CCDC120: variants seen among roughly 807,000 people sequenced by gnomAD.
CCDC120 encodes coiled-coil domain-containing protein 120.
CCDC120 carries 16 observed loss-of-function variants against 37.6 expected under a neutral mutation model. That is an observed-to-expected ratio of 0.43 (90% CI 0.29 to 0.65). CCDC120 has a LOEUF of 0.65. Among genes scored for constraint, CCDC120 ranks in the 30% least tolerant of loss-of-function variants. CCDC120 has a pLI of 0.18. For missense variants in CCDC120, 650 were observed against 657.4 expected (o/e 0.99, Z 0.12); for synonymous variants, 309 against 275.4 (o/e 1.12, Z -1.21).
At position 49,067,450 on chromosome X, in the gene CCDC120, A is replaced by G; in HGVS notation, c.1336A>G (p.Thr446Ala). ...ACCAACCCCTGCCTTCTCCTCCCGC[A>G]CAGCAGGCCCCCCAGACCCTCCCCG... ...PQPTPAFSSR[T>A]AGPPDPPRAA... is the part of the protein sequence containing the mutation. Residue 446 changes from threonine to alanine, a missense_variant, in exon 10 of 11, where the codon ACA becomes GCA. Around this residue, in one of 3 missense-constraint regions of CCDC120, gnomAD observed 576 missense variants for 565.3 expected, o/e 1.02. Transcript: ENST00000603986. 8.4e-7 allele frequency: 1 copy of G among 1,186,540 alleles called. No homozygotes were observed. The highest frequency in any genetic ancestry group is 1.1e-6 in the Non-Finnish European group (1 of 883,265).
rs782666031 is a variant in CCDC120, at chrX:49,064,429, C to T, written c.489C>T (p.Ala163=). The T allele has an allele frequency of 1.5e-5, 18 of 1,174,576 alleles. No homozygotes were observed. In the East Asian group the frequency reaches 1.6e-4, roughly 10 times the overall value. The change falls in exon 6 of 11, where the codon GCC becomes GCT. Residue 163 remains alanine (A), a synonymous_variant. Coordinates refer to ENST00000603986, the MANE Select transcript of CCDC120 (RefSeq NM_001163321.4). Reference sequence around the variant, plus strand: ...CAGTGCAACAGCAGATCGCGGCGGCCGCCCGCCGCCTGGCCTTGGCCCCTG... The same window carrying T: ...CAGTGCAACAGCAGATCGCGGCGGCTGCCCGCCGCCTGGCCTTGGCCCCTG... ...EVSVQQQIAA[A]ARRLALAPDL... is the part of the protein sequence containing the mutation.
At chrX:49,056,763 G>A (rs2064833962), upstream of CCDC120, among the ~76,000 whole-genome samples, 1 of 111,590 alleles carries the variant, frequency 9.0e-6, no homozygotes, top group East Asian at 2.8e-4. Context: ...CACCAGCTCT[G>A]TCTGGAAAAA....
In CCDC120 at chrX:49,065,806, C is replaced by A; in HGVS notation, c.1022C>A (p.Thr341Asn). Reference protein sequence around the residue: ...SSFEGRSVPATPVLTRGAGPQ... With the variant: ...SSFEGRSVPANPVLTRGAGPQ... ...TTTGAGGGGCGAAGTGTGCCTGCCA[C>A]CCCTGTCCTCACCCGGGGCGCTGGC... The change falls in exon 9 of 11, where the codon ACC (threonine) becomes AAC (asparagine). Residue 341 changes from threonine to asparagine, a missense_variant. Transcript: ENST00000603986. 8.5e-7 allele frequency: 1 copy of A among 1,169,614 alleles called. No individual in the cohort carries two copies. The highest frequency in any genetic ancestry group is 1.1e-6 in the Non-Finnish European group (1 of 874,043).
chrX:49,061,289 C>G (rs2064883084), intron 1 of CCDC120, among the ~76,000 whole-genome samples: 1 of 112,084 alleles, frequency 8.9e-6, no homozygotes, highest in African/African-American at 3.2e-5. Context: ...GAACATTCTC[C>G]TTGCTACACT....
chrX:49,058,212 G>A (rs1166038536), upstream of CCDC120, among the ~76,000 whole-genome samples: 5 of 111,835 alleles, frequency 4.5e-5, no homozygotes, highest in African/African-American at 1.6e-4. Context: ...ACATTTGTAG[G>A]AACCAAGAGG....
At chrX:49,061,647 A>G (rs1557079458) in intron 1 of CCDC120, among the ~76,000 whole-genome samples, 1 of 112,572 alleles carries the variant, frequency 8.9e-6, no homozygotes, top group Non-Finnish European at 1.9e-5. Context: ...CAGCATCCAC[A>G]GCCTGGGCAA....
In CCDC120 at chrX:49,065,610, CTG is replaced by C; in HGVS notation, c.947_948del (p.Val316GlyfsTer18). ...GGGGATCTGAAGAGCCGGCGGAACT[CTG>C]TGGCCAGCCCCACCAGGTGAGAATG... is the stretch of plus-strand genomic sequence containing the variant. On this transcript the variant is annotated frameshift_variant, in exon 8 of 11. Transcript: ENST00000603986. LOFTEE classifies it high-confidence loss of function. 1.7e-6 allele frequency: 2 copies of C among 1,209,492 alleles called. No individual in the cohort carries two copies. Among genetic ancestry groups the C allele is most frequent in the Non-Finnish European group, 2.2e-6 (2 of 894,650 alleles).
rs782760184 is a variant in CCDC120 at position 49,067,432 on chromosome X, C to T, written c.1318C>T (p.Pro440Ser). 2.5e-6 allele frequency: 3 copies of T among 1,193,152 alleles called. No individual in the cohort carries two copies. The highest frequency in any genetic ancestry group is 4.4e-5 in the Admixed American group (2 of 45,119). The change falls in exon 10 of 11, where the codon CCT (proline) becomes TCT (serine). Residue 440 changes from proline to serine, a missense_variant. This residue lies in a region of CCDC120 where 576 missense variants were observed against 565.3 expected (regional missense o/e 1.02). Transcript: ENST00000603986. ...GCTGTATGAGCGCCCCCAACCAACC[C>T]CTGCCTTCTCCTCCCGCACAGCAGG... is the stretch of plus-strand genomic sequence containing the variant. ...EVLYERPQPT[P>S]AFSSRTAGPP...
chrX:49,054,267 G>T (rs1602506921), upstream of CCDC120, among the ~76,000 whole-genome samples: 1 of 111,114 alleles, frequency 9.0e-6, no homozygotes. Context: ...CCCAGTTTCT[G>T]TCCTGACGCT....
chrX:49,061,886 C>T lies in CCDC120; in HGVS notation c.-83-73C>T, dbSNP rs1448831156. The T allele has an allele frequency of 6.9e-6, 7 of 1,012,468 alleles. No homozygotes were observed. The African/African-American group carries it at 1.4e-4, about 20-fold the overall frequency. The allele number at this position is 1,012,468 out of a possible 1,213,427, so 83.4% of individuals were successfully genotyped here. Reference sequence around the variant, plus strand: ...TGGCATCATAGGTAACTGTTGCAGGCACCCAGGTGTTGACTGCGTGTCCAT... The same window carrying T: ...TGGCATCATAGGTAACTGTTGCAGGTACCCAGGTGTTGACTGCGTGTCCAT... On this transcript the variant is annotated intron_variant, in intron 1 of 10. Coordinates refer to ENST00000603986, the MANE Select transcript of CCDC120 (RefSeq NM_001163321.4).
chrX:49,068,942 A>T lies in CCDC120; in HGVS notation c.*284A>T, dbSNP rs1014867393. The T allele has an allele frequency of 1.3e-4, 30 of 229,421 alleles. No homozygotes were observed. The highest frequency in any genetic ancestry group is 1.9e-4 in the Non-Finnish European group (24 of 127,890). 18.9% of individuals were successfully genotyped at this position (229,421 alleles called of 1,213,427 possible). On this transcript the variant is annotated 3_prime_UTR_variant, in exon 11 of 11. Coordinates refer to ENST00000603986, the MANE Select transcript of CCDC120 (RefSeq NM_001163321.4). ...TCCTCCATTTATGTTTACAGTTGTG[A>T]CTTAGGTATTCACTGTCTTCCTCCA...
chrX:49,067,522 C>T lies in CCDC120; in HGVS notation c.1408C>T (p.Arg470Trp), dbSNP rs781787357. The T allele has an allele frequency of 8.8e-5, 102 of 1,163,305 alleles. 1 individual carries two copies. The highest frequency in any genetic ancestry group is 3.4e-5 in the Non-Finnish European group (30 of 869,745). Reference protein sequence around the residue: ...SAAPASRGAPRLPPVCGDFLL... With the variant: ...SAAPASRGAPWLPPVCGDFLL... Reference sequence around the variant, plus strand: ...TGCCCCTGCCTCCCGAGGTGCCCCCCGGCTCCCACCTGTGTGTGGAGACTT... The same window carrying T: ...TGCCCCTGCCTCCCGAGGTGCCCCCTGGCTCCCACCTGTGTGTGGAGACTT... The change falls in exon 10 of 11, where the codon CGG becomes TGG. Residue 470 changes from arginine (R) to tryptophan (W), a missense_variant. Transcript: ENST00000603986.
Position 49,065,029 on chromosome X carries a change from C to A in CCDC120, c.725-7C>A. On this transcript the variant is annotated splice_region_variant and splice_polypyrimidine_tract_variant and intron_variant, in intron 6 of 10. Coordinates refer to ENST00000603986, the MANE Select transcript of CCDC120 (RefSeq NM_001163321.4). Reference sequence around the variant, plus strand: ...GAGAGGCCCACTTCTCCCCCTCTCACCTGTAGAGGACGTAGTTCTGCACTC... The same window carrying A: ...GAGAGGCCCACTTCTCCCCCTCTCAACTGTAGAGGACGTAGTTCTGCACTC... 1.7e-6 allele frequency: 2 copies of A among 1,210,360 alleles called. No individual in the cohort carries two copies. The highest frequency in any genetic ancestry group is 2.2e-6 in the Non-Finnish European group (2 of 894,404).
upstream of CCDC120, among the ~76,000 whole-genome samples, chrX:49,055,573 A>C (rs2064824912): frequency 1.8e-5 from 2 of 111,914 alleles, no homozygotes; most frequent in African/African-American, 6.5e-5. Context: ...CACTGGATTT[A>C]AGAATCAGGC....
Position 49,067,840 on chromosome X carries a change from C to T in CCDC120, c.1726C>T (p.Arg576Cys), listed in dbSNP as rs781897892. Residue 576 changes from arginine to cysteine, a missense_variant, in exon 10 of 11, where the codon CGT (arginine) becomes TGT (cysteine). Physicochemically the swap from Arg to Cys is radical, Grantham distance 180. This residue lies in a region of CCDC120 where 576 missense variants were observed against 565.3 expected (regional missense o/e 1.02). Transcript: ENST00000603986. Reference sequence around the variant, plus strand: ...TCTGCTGTGGATGCCCCCACCCACCCGTATCCCCTCGGCTGGTGAACGCAG... The same window carrying T: ...TCTGCTGTGGATGCCCCCACCCACCTGTATCCCCTCGGCTGGTGAACGCAG... The part of the protein sequence containing the change: ...NPLLWMPPPT[R>C]IPSAGERSGH... 5 of 1,177,707 alleles carry T rather than the reference C, an allele frequency of 4.2e-6. No individual in the cohort carries two copies. The highest frequency in any genetic ancestry group is 3.7e-5 in the South Asian group (2 of 53,343).
At position 49,065,034 on chromosome X, in the gene CCDC120, A is replaced by G; in HGVS notation, c.725-2A>G. On this transcript the variant is annotated splice_acceptor_variant, in intron 6 of 10. Coordinates refer to ENST00000603986, the MANE Select transcript of CCDC120 (RefSeq NM_001163321.4). LOFTEE classifies it high-confidence loss of function. Reference sequence around the variant, plus strand: ...GCCCACTTCTCCCCCTCTCACCTGTAGAGGACGTAGTTCTGCACTCAGAGA... The same window carrying G: ...GCCCACTTCTCCCCCTCTCACCTGTGGAGGACGTAGTTCTGCACTCAGAGA... The G allele has an allele frequency of 1.7e-6, 2 of 1,210,875 alleles. No individual in the cohort carries two copies. Among genetic ancestry groups the G allele is most frequent in the Non-Finnish European group, 2.2e-6 (2 of 894,935 alleles).
intron 3 of CCDC120, 62 bp downstream of exon 3, chrX:49,062,387 C>G (rs1174364616): frequency 2.0e-4 from 243 of 1,206,121 alleles, no homozygotes; most frequent in Non-Finnish European, 2.7e-4. Flanking sequence ...CCTGCTTGCT[C>G]GGGAAGAGTT....
upstream of CCDC120, among the ~76,000 whole-genome samples, chrX:49,054,037 A>G (rs1557078055): frequency 9.1e-6 from 1 of 110,479 alleles, no homozygotes; most frequent in Admixed American, 9.5e-5. Flanking sequence ...TTAAACCTCA[A>G]CCCCTGCTGG....
chrX:49,059,562 G>C (rs1048128208), intron 1 of CCDC120, among the ~76,000 whole-genome samples: 2 of 112,383 alleles, frequency 1.8e-5, no homozygotes, highest in African/African-American at 3.2e-5. Flanking sequence ...CTCTGGGGAG[G>C]GTAATGGCCC....
Sources: allele counts gnomAD v4.1 joint callset (sites outside exome capture counted in the v4.1 genomes callset), GRCh38; gene constraint gnomAD v4.1.1; regional missense constraint gnomAD v4.1.1; transcripts MANE v1.5; gene names NCBI Gene and HGNC (gene_info 2026-07-23, HGNC 2026-07-21).